NSL1: variants seen among roughly 807,000 people sequenced by gnomAD.
NSL1 encodes NSL1 component of MIS12 kinetochore complex.
A neutral mutation model predicts 25.4 loss-of-function variants in NSL1; 11 were observed. The observed-to-expected ratio is 0.43, with a 90% CI of 0.27 to 0.72. The LOEUF is 0.72. NSL1 is among the 30% of genes least tolerant of loss of function. The pLI, the probability that NSL1 is intolerant of heterozygous loss-of-function variation, is 0.19. For synonymous variants in NSL1, 118 were observed against 120.6 expected, an observed-to-expected ratio of 0.98 and a Z score of 0.14; for missense variants, 330 against 342.7, an observed-to-expected ratio of 0.96 and a Z score of 0.29.
In NSL1 at chr1:212,759,810, C is replaced by T. The variant is rs375571523; in HGVS notation, c.500-20209G>A. Among the ~76,000 whole-genome samples the T allele has an allele frequency of 1.1e-4, 16 of 152,232 alleles. 1 individual carries two copies. In the East Asian group the frequency reaches 2.7e-3, roughly 26 times the overall value. ...CCGGCACTCTAGCCTACACAGTGTC[C>T]TACACCCCAAGGAACCAGCAGTGCA... On this transcript the variant is annotated intron_variant, in intron 4 of 5. Coordinates refer to ENST00000366977, the MANE Select transcript of NSL1 (RefSeq NM_015471.4).
At chr1:212,782,861 C>CTA (rs1181806238) in intron 3 of NSL1, among the ~76,000 whole-genome samples, 1 of 152,158 alleles carries the variant, frequency 6.6e-6, no homozygotes, top group Non-Finnish European at 1.5e-5. Flanking sequence ...CACACTAAGC[C>CTA]TATATATCCT....
chr1:212,775,587 C>T (rs1660322009), intron 4 of NSL1, among the ~76,000 whole-genome samples: 1 of 148,830 alleles, frequency 6.7e-6, no homozygotes, highest in South Asian at 2.1e-4. Context: ...TATAGAAAGA[C>T]CCCACCTCTA....
chr1:212,727,382 A>G lies in NSL1; in HGVS notation c.*11026T>C. 1 of 985,406 alleles carries G rather than the reference A, an allele frequency of 1.0e-6. No homozygotes were observed. The highest frequency in any genetic ancestry group is 1.1e-4 in the East Asian group (1 of 8,820). 61.0% of individuals were successfully genotyped at this position (985,406 alleles called of 1,614,324 possible). A position where few individuals can be genotyped will look rare whatever the true frequency, so the allele number is the denominator to read the frequency against. ...GCAGGAAGGTCACTTAACCAGGGAA[A>G]TAAGTATCAGTCAAGTTAATGTTTC... On this transcript the variant is annotated 3_prime_UTR_variant, in exon 6 of 6. Transcript: ENST00000366977.
intron 3 of NSL1, among the ~76,000 whole-genome samples, chr1:212,782,630 G>A (rs3738802): frequency 0.65 from 99,421 of 152,020 alleles, 32,922 homozygotes; most frequent in Non-Finnish European, 0.69. Flanking sequence ...ACTGCCACCT[G>A]CTGCATATAC....
Position 212,738,217 on chromosome 1 carries a change from CAATAGAT to C in NSL1, c.*184_*190del, listed in dbSNP as rs1259441933. On this transcript the variant is annotated 3_prime_UTR_variant, in exon 6 of 6. Coordinates refer to ENST00000366977, the MANE Select transcript of NSL1 (RefSeq NM_015471.4). Reference sequence around the variant, plus strand: ...TACTTTTTAAAATGCTTTTTATTTACAATAGATAAAACAGTAAGGAAATACAATATTA... The same window carrying C: ...TACTTTTTAAAATGCTTTTTATTTACAAAACAGTAAGGAAATACAATATTA... 16 of 1,326,252 alleles carry C rather than the reference CAATAGAT, an allele frequency of 1.2e-5. No individual in the cohort carries two copies. Among genetic ancestry groups the C allele is most frequent in the Non-Finnish European group, 1.5e-5 (16 of 1,041,414 alleles). 82.2% of individuals were successfully genotyped at this position (1,326,252 alleles called of 1,614,324 possible). A position where few individuals can be genotyped will look rare whatever the true frequency, so the allele number is the denominator to read the frequency against.
At chr1:212,775,280 T>C (rs774051000) in intron 4 of NSL1, among the ~76,000 whole-genome samples, 4 of 152,198 alleles carry the variant, frequency 2.6e-5, no homozygotes, top group South Asian at 2.1e-4. Flanking sequence ...CTAAGGAGTG[T>C]TGGGTTTCTT....
Position 212,784,502 on chromosome 1 carries a change from G to GAA in NSL1, c.314-11_314-10dup. On this transcript the variant is annotated splice_polypyrimidine_tract_variant and intron_variant, in intron 2 of 5. Coordinates refer to ENST00000366977, the MANE Select transcript of NSL1 (RefSeq NM_015471.4). ...TACTTTGATGTCAGAATCTATTTGA[G>GAA]AAAAAAAAATGTATATATAAAAAGT... is the stretch of plus-strand genomic sequence containing the variant. The GAA allele has an allele frequency of 4.1e-6, 6 of 1,461,454 alleles. No homozygotes were observed. The highest frequency in any genetic ancestry group is 2.1e-5 in the Admixed American group (1 of 48,050). 90.5% of individuals were successfully genotyped at this position (1,461,454 alleles called of 1,614,324 possible).
intron 4 of NSL1, among the ~76,000 whole-genome samples, chr1:212,779,121 C>A (rs1436542964): frequency 6.6e-6 from 1 of 151,280 alleles, no homozygotes. Flanking sequence ...AGACCCTCCG[C>A]CTGGCAACCG....
Position 212,728,936 on chromosome 1 carries a change from G to A in NSL1, c.*9472C>T, listed in dbSNP as rs1445825756. 5.1e-6 allele frequency: 5 copies of A among 985,248 alleles called. No homozygotes were observed. The highest frequency in any genetic ancestry group is 1.7e-5 in the African/African-American group (1 of 57,222). 61.0% of individuals were successfully genotyped at this position (985,248 alleles called of 1,614,324 possible). ...GCAGTGTTTATTTGTGTGTTTGAAC[G>A]TTTGTTCCCTTTGAATATGAAAGAA... On this transcript the variant is annotated 3_prime_UTR_variant, in exon 6 of 6. Coordinates refer to ENST00000366977, the MANE Select transcript of NSL1 (RefSeq NM_015471.4).
At chr1:212,777,060 T>TA (rs1184302329) in intron 4 of NSL1, among the ~76,000 whole-genome samples, 2,788 of 136,856 alleles carry the variant, frequency 0.02, 47 homozygotes, top group Non-Finnish European at 0.022. Flanking sequence ...CTGAAAAGAC[T>TA]AAAAAAAAAA....
rs559879079 is a variant in NSL1 at position 212,743,470 on chromosome 1, T to G, written c.500-3869A>C. On this transcript the variant is annotated intron_variant, in intron 4 of 5. Transcript: ENST00000366977. ...GAACCACAGCGCCTGGCTTATTTGT[T>G]TTTTTTTTTTTAGCTCAATTTTCCC... Among the ~76,000 whole-genome samples, 186 of 149,052 alleles carry G rather than the reference T, an allele frequency of 1.2e-3. 1 individual carries two copies. The highest frequency in any genetic ancestry group is 4.5e-3 in the African/African-American group (183 of 40,798).
In NSL1 at chr1:212,729,227, G is replaced by C. The variant is rs1657908493; in HGVS notation, c.*9181C>G. The C allele has an allele frequency of 1.0e-6, 1 of 985,318 alleles. No individual in the cohort carries two copies. The highest frequency in any genetic ancestry group is 1.1e-4 in the East Asian group (1 of 8,828). The allele number at this position is 985,318 out of a possible 1,614,324, so 61.0% of individuals were successfully genotyped here. On this transcript the variant is annotated 3_prime_UTR_variant, in exon 6 of 6. Coordinates refer to ENST00000366977, the MANE Select transcript of NSL1 (RefSeq NM_015471.4). Reference sequence around the variant, plus strand: ...TTTCACTCTCAGGTTCCCTCTAGGAGCAGAAGTGCAGGTTTGCTTGGGCTC... The same window carrying C: ...TTTCACTCTCAGGTTCCCTCTAGGACCAGAAGTGCAGGTTTGCTTGGGCTC...
At chr1:212,744,962 C>T (rs1329935063) in intron 4 of NSL1, among the ~76,000 whole-genome samples, 2 of 151,914 alleles carry the variant, frequency 1.3e-5, no homozygotes, top group African/African-American at 4.8e-5. Flanking sequence ...ATGGTGAAAC[C>T]CCGTCTCTAC....
chr1:212,743,219 C>T (rs1335839455), intron 4 of NSL1, among the ~76,000 whole-genome samples: 1 of 151,910 alleles, frequency 6.6e-6, no homozygotes. Flanking sequence ...GCAGCGAGTG[C>T]AGTGGTGCGA....
chr1:212,745,322 C>A (rs1658738737), intron 4 of NSL1, among the ~76,000 whole-genome samples: 1 of 151,702 alleles, frequency 6.6e-6, no homozygotes, highest in Non-Finnish European at 1.5e-5. Context: ...TGCATTTACA[C>A]ATCCAAGAAG....
chr1:212,746,170 T>C (rs1189431240), intron 4 of NSL1, among the ~76,000 whole-genome samples: 1 of 152,218 alleles, frequency 6.6e-6, no homozygotes, highest in African/African-American at 2.4e-5. Context: ...GTCTCCTTTT[T>C]TTCTACATAA....
chr1:212,766,095 C>T (rs1251166851), intron 4 of NSL1: 2 of 421,612 alleles, frequency 4.7e-6, no homozygotes, highest in Non-Finnish European at 8.5e-6. Context: ...GAGATCACAC[C>T]ACTGCACTCC....
chr1:212,746,455 T>C (rs77938417), intron 4 of NSL1, among the ~76,000 whole-genome samples: 3,470 of 152,006 alleles, frequency 0.023, 63 homozygotes, highest in South Asian at 0.042. Flanking sequence ...AAAGCTCAAT[T>C]AAACAAAAAA....
At chr1:212,788,831 CACTA>C (rs1293325104) in intron 1 of NSL1, among the ~76,000 whole-genome samples, 1 of 152,144 alleles carries the variant, frequency 6.6e-6, no homozygotes, top group Non-Finnish European at 1.5e-5. Context: ...CTCTACGTAA[CACTA>C]ACAAATAATA....
Sources: gnomAD v4.1 joint callset for allele counts (sites outside exome capture counted in the v4.1 genomes callset) on GRCh38, gnomAD v4.1.1 for gene constraint, MANE v1.5 for transcripts, NCBI Gene and HGNC (gene_info 2026-07-23, HGNC 2026-07-21) for gene names.